The following IL17F variants were observed in gnomAD, a reference collection of about 807,000 sequenced individuals.
IL17F encodes interleukin-17F.
Under a neutral mutation model 8.3 loss-of-function variants are expected in IL17F, and 6 were observed. The ratio of observed to expected loss-of-function variants is 0.73; its 90% confidence interval spans 0.40 to 1.43. The LOEUF (loss-of-function observed/expected upper bound fraction) is 1.43, where lower values mean the gene tolerates loss of function less well. Ranked by LOEUF, IL17F falls within the 40% of genes most tolerant of loss-of-function variation. The pLI, the probability that IL17F is intolerant of heterozygous loss-of-function variation, is 0.02. For synonymous variants in IL17F, 98 were observed against 81.6 expected, an observed-to-expected ratio of 1.20 and a Z score of -1.08; for missense variants, 204 against 209.6, an observed-to-expected ratio of 0.97 and a Z score of 0.17.
At chr6:52,242,723 AT>A (rs1387304425) in intron 1 of IL17F, among the ~76,000 whole-genome samples, 2 of 152,262 alleles carry the variant, frequency 1.3e-5, no homozygotes, top group African/African-American at 2.4e-5. Context: ...GTTCATCTGT[AT>A]AAAGTGGAAA....
intron 2 of IL17F, 77 bp from the exon 3 acceptor site, chr6:52,237,245 A>C: frequency 9.0e-7 from 1 of 1,114,720 alleles, no homozygotes; most frequent in South Asian, 1.3e-5. Flanking sequence ...CACAGCACTG[A>C]GTGTTCACCT....
chr6:52,238,900 C>T lies in IL17F; in HGVS notation c.84G>A (p.Ala28=), dbSNP rs200098518. Residue 28 remains alanine (A), a synonymous_variant, in exon 2 of 3, where the codon GCG becomes GCA. Coordinates refer to ENST00000336123, the MANE Select transcript of IL17F (RefSeq NM_052872.4). ...SILGLAFLSE[A]AARKIPKVGH... ...CTACTTTGGGGATTTTCCGAGCTGC[C>T]GCCTCACTCAGAAAGGCAAGCCCCA... 9 of 1,613,840 alleles carry T rather than the reference C, an allele frequency of 5.6e-6. No individual in the cohort carries two copies. Among genetic ancestry groups the T allele is most frequent in the East Asian group, 2.2e-5 (1 of 44,882 alleles).
At chr6:52,242,979 C>T (rs937435702) in intron 1 of IL17F, among the ~76,000 whole-genome samples, 1 of 152,174 alleles carries the variant, frequency 6.6e-6, no homozygotes, top group Admixed American at 6.5e-5. Flanking sequence ...CATTGTTATC[C>T]CCACCATACA....
chr6:52,240,995 T>G (rs1764064670), intron 1 of IL17F, among the ~76,000 whole-genome samples: 1 of 152,216 alleles, frequency 6.6e-6, no homozygotes, highest in Non-Finnish European at 1.5e-5. Flanking sequence ...AACTCTATAT[T>G]GTGCTACACA....
intron 1 of IL17F, among the ~76,000 whole-genome samples, chr6:52,240,423 C>A (rs887430281): frequency 1.6e-5 from 2 of 124,914 alleles, no homozygotes; most frequent in Non-Finnish European, 3.2e-5. Context: ...GGCGACAGTG[C>A]GAGACTCCTG....
chr6:52,243,750 A>AGC (rs1764109640), intron 1 of IL17F, among the ~76,000 whole-genome samples: 2 of 152,164 alleles, frequency 1.3e-5, no homozygotes, highest in African/African-American at 4.8e-5. Flanking sequence ...GGCAAAAGCC[A>AGC]TTGGGTGAGG....
chr6:52,239,145 T>G, intron 1 of IL17F, 195 bp from the exon 2 acceptor site: 1 of 595,176 alleles, frequency 1.7e-6, no homozygotes, highest in Non-Finnish European at 3.0e-6. Flanking sequence ...CTAAACTCAG[T>G]AGCCTAGCTA....
At position 52,236,890 on chromosome 6, in the gene IL17F, GGC is replaced by G; in HGVS notation, c.*39_*40del. 1 of 1,501,788 alleles carries G rather than the reference GGC, an allele frequency of 6.7e-7. No homozygotes were observed. Among genetic ancestry groups the G allele is most frequent in the African/African-American group, 1.4e-5 (1 of 72,726 alleles). 93.0% of individuals were successfully genotyped at this position (1,501,788 alleles called of 1,614,324 possible). ...TGTTGCAGAGCACTGGGTAAGGAGT[GGC>G]ATTTCTACAGCTTCTTCAGCTGAGT... is the stretch of plus-strand genomic sequence containing the variant. On this transcript the variant is annotated 3_prime_UTR_variant, in exon 3 of 3. Transcript: ENST00000336123.
chr6:52,240,775 A>G (rs1764059457), intron 1 of IL17F, among the ~76,000 whole-genome samples: 1 of 152,116 alleles, frequency 6.6e-6, no homozygotes. Flanking sequence ...TCATTCAACA[A>G]CTAGCTCTTG....
intron 1 of IL17F, among the ~76,000 whole-genome samples, chr6:52,240,385 C>A (rs544215020): frequency 7.0e-6 from 1 of 142,714 alleles, no homozygotes; most frequent in Non-Finnish European, 1.5e-5. Flanking sequence ...TGCAGTGAGC[C>A]GAAATTGCAC....
upstream of IL17F, chr6:52,244,673 A>G (rs1028442863): frequency 7.1e-6 from 4 of 560,580 alleles, no homozygotes; most frequent in Non-Finnish European, 1.3e-5. Context: ...AAGGGATGAC[A>G]GGAAAAGGAC....
At position 52,236,802 on chromosome 6, in the gene IL17F, C is replaced by A. The variant is rs1426091733; in HGVS notation, c.*129G>T. The A allele has an allele frequency of 2.6e-6, 2 of 782,996 alleles. No individual in the cohort carries two copies. The highest frequency in any genetic ancestry group is 3.4e-4 in the Middle Eastern group (1 of 2,938). The allele number at this position is 782,996 out of a possible 1,614,324, so 48.5% of individuals were successfully genotyped here. A position where few individuals can be genotyped will look rare whatever the true frequency, so the allele number is the denominator to read the frequency against. On this transcript the variant is annotated 3_prime_UTR_variant, in exon 3 of 3. Transcript: ENST00000336123. ...CATACATTGTGAATATTTTCTGTTT[C>A]CATCCGTGCAGGTCTTATTAAGAGT...
Position 52,238,808 on chromosome 6 carries a change from A to G in IL17F, c.176T>C (p.Ile59Thr), listed in dbSNP as rs769515909. ...GCGCTGGTTTTCATTGATGATGCCA[A>G]TGTCAAGCTTCATACTACCTCCTGG... is the stretch of plus-strand genomic sequence containing the variant. ...PVPGGSMKLD[I>T]GIINENQRVS... The change falls in exon 2 of 3, where the codon ATT (isoleucine) becomes ACT (threonine). Residue 59 changes from isoleucine (I) to threonine (T), a missense_variant. By Grantham distance (89) the Ile-to-Thr change is moderately conservative. Coordinates refer to ENST00000336123, the MANE Select transcript of IL17F (RefSeq NM_052872.4). 1.9e-6 allele frequency: 3 copies of G among 1,614,066 alleles called. No individual in the cohort carries two copies. Among genetic ancestry groups the G allele is most frequent in the Admixed American group, 1.7e-5 (1 of 60,012 alleles).
chr6:52,244,685 A>G (rs889992581), upstream of IL17F: 1 of 556,664 alleles, frequency 1.8e-6, no homozygotes, highest in African/African-American at 1.9e-5. Context: ...GAAAAGGACC[A>G]AATTTTTCTT....
In IL17F at chr6:52,236,920, A is replaced by G. The variant is rs1187012112; in HGVS notation, c.*11T>C. 40 of 1,602,716 alleles carry G rather than the reference A, an allele frequency of 2.5e-5. No homozygotes were observed. The highest frequency in any genetic ancestry group is 3.3e-5 in the Non-Finnish European group (39 of 1,169,748). ...TTCTACAGCTTCTTCAGCTGAGTGGATATGCACCTCTTACTGCACATGGTG... is the reference window on the plus strand; with the variant it reads ...TTCTACAGCTTCTTCAGCTGAGTGGGTATGCACCTCTTACTGCACATGGTG... On this transcript the variant is annotated 3_prime_UTR_variant, in exon 3 of 3. Transcript: ENST00000336123.
intron 1 of IL17F, 74 bp downstream of exon 1, chr6:52,244,323 T>G: frequency 2.1e-6 from 3 of 1,426,862 alleles, no homozygotes; most frequent in Non-Finnish European, 2.0e-6. Context: ...CAATCAAACC[T>G]AATTCCTTAG....
chr6:52,240,048 C>A (rs992021725), intron 1 of IL17F, among the ~76,000 whole-genome samples: 4 of 152,158 alleles, frequency 2.6e-5, no homozygotes, highest in Non-Finnish European at 4.4e-5. Context: ...TTGCCAGATT[C>A]CCTTTGTCAC....
Position 52,241,423 on chromosome 6 carries a change from C to T in IL17F, c.34-2473G>A, listed in dbSNP as rs1764072856. 2.0e-5 allele frequency among the ~76,000 whole-genome samples: 3 copies of T among 152,126 alleles called. No individual in the cohort carries two copies. In the South Asian group the frequency reaches 6.2e-4, roughly 32 times the overall value. Reference sequence around the variant, plus strand: ...AAGATGCCAACTTATATTAGAGGGTCTTAGATAACTTCCCAAGCCTACCAA... The same window carrying T: ...AAGATGCCAACTTATATTAGAGGGTTTTAGATAACTTCCCAAGCCTACCAA... On this transcript the variant is annotated intron_variant, in intron 1 of 2. Transcript: ENST00000336123.
At position 52,244,455 on chromosome 6, in the gene IL17F, A is replaced by G; in HGVS notation, c.-26T>C. Reference sequence around the variant, plus strand: ...GTTGCGCTGGTGGCTTACTTTGTGCAGGAAGCTCTTTCTGTGAATGTATCT... The same window carrying G: ...GTTGCGCTGGTGGCTTACTTTGTGCGGGAAGCTCTTTCTGTGAATGTATCT... On this transcript the variant is annotated 5_prime_UTR_variant, in exon 1 of 3. Coordinates refer to ENST00000336123, the MANE Select transcript of IL17F (RefSeq NM_052872.4). 3 of 1,613,326 alleles carry G rather than the reference A, an allele frequency of 1.9e-6. No homozygotes were observed. The highest frequency in any genetic ancestry group is 2.5e-6 in the Non-Finnish European group (3 of 1,179,250).
Sources: allele counts gnomAD v4.1 joint callset (sites outside exome capture counted in the v4.1 genomes callset), GRCh38; gene constraint gnomAD v4.1.1; transcripts MANE v1.5; gene names NCBI Gene and HGNC (gene_info 2026-07-23, HGNC 2026-07-21).